The following RHOU variants were observed in gnomAD, a reference collection of about 807,000 sequenced individuals.
RHOU encodes ras homolog family member U.
In RHOU, 8 loss-of-function variants were observed where a neutral mutation model predicts 12.6. The ratio of observed to expected loss-of-function variants is 0.64; its 90% CI spans 0.37 to 1.15. The LOEUF is 1.15. Among genes scored for constraint, RHOU ranks in the 50% most tolerant of loss-of-function variants. The probability of loss-of-function intolerance (pLI) is 0.01; values close to 1 mark genes in which losing one functional copy is unlikely to be tolerated. For synonymous variants in RHOU, 161 were observed against 147.4 expected (o/e 1.09, Z -0.67); for missense variants, 258 against 347.0 (o/e 0.74, Z 2.04).
At chr1:228,654,282 AT>A in the RHOU span, among the ~76,000 whole-genome samples, 5,533 of 151,980 alleles carry the variant, frequency 0.036, 148 homozygotes, top group Non-Finnish European at 0.055. Flanking sequence ...GTAATTTTTA[AT>A]TTTTTTATAG....
the RHOU span, among the ~76,000 whole-genome samples, chr1:228,647,017 G>A: frequency 6.9e-6 from 1 of 144,750 alleles, no homozygotes; most frequent in African/African-American, 2.6e-5. Flanking sequence ...CGAGGTCCAG[G>A]GGGAAACCCA....
Position 228,735,577 on chromosome 1 carries a change from C to A in RHOU, c.-166C>A. 2.4e-6 allele frequency: 1 copy of A among 421,748 alleles called. No homozygotes were observed. Among genetic ancestry groups the A allele is most frequent in the Non-Finnish European group, 3.7e-6 (1 of 272,094 alleles). The allele number at this position is 421,748 out of a possible 1,614,324, so 26.1% of individuals were successfully genotyped here. On this transcript the variant is annotated 5_prime_UTR_variant, in exon 1 of 3. Transcript: ENST00000366691. This position sits in a 1 kb window ranked among gnomAD's most constrained non-coding sequence, Gnocchi z 8.1. ...AGCGCGGAGCCACGACCCTCCCTGG[C>A]CGCCTTTGTCTACTGGCCGTGCGGC...
the RHOU span, among the ~76,000 whole-genome samples, chr1:228,681,362 C>T: frequency 1.3e-5 from 2 of 152,130 alleles, no homozygotes; most frequent in Non-Finnish European, 2.9e-5. Flanking sequence ...CTGATTCAGC[C>T]TGGCGGGGAG....
the RHOU span, among the ~76,000 whole-genome samples, chr1:228,705,976 C>T: frequency 5.3e-5 from 8 of 151,982 alleles, no homozygotes; most frequent in Non-Finnish European, 7.4e-5. Context: ...ACCCAGGAGG[C>T]GGAGGTTGCA....
In RHOU at chr1:228,738,724, A is replaced by G. The variant is rs1558086199; in HGVS notation, c.321+993A>G. ...CTTATTTTTTAAACCTGAAGATGAC[A>G]TAAGACCGTGGAGCCTTGATCTCCA... On this transcript the variant is annotated intron_variant, in intron 2 of 2. Coordinates refer to ENST00000366691, the MANE Select transcript of RHOU (RefSeq NM_021205.6). This position sits in a 1 kb window ranked among gnomAD's most constrained non-coding sequence, Gnocchi z 4.2. 6.6e-6 allele frequency among the ~76,000 whole-genome samples: 1 copy of G among 152,182 alleles called. No individual in the cohort carries two copies. The highest frequency in any genetic ancestry group is 1.9e-4 in the East Asian group (1 of 5,194).
At chr1:228,713,175 G>T in the RHOU span, among the ~76,000 whole-genome samples, 1 of 152,084 alleles carries the variant, frequency 6.6e-6, no homozygotes, top group African/African-American at 2.4e-5. Flanking sequence ...GGTAGCTTCA[G>T]GTGGGGGCTG....
the RHOU span, among the ~76,000 whole-genome samples, chr1:228,696,406 TTGAGA>T: frequency 6.6e-6 from 1 of 152,026 alleles, no homozygotes; most frequent in Non-Finnish European, 1.5e-5. Flanking sequence ...ATCATGATGG[TTGAGA>T]TAACTGATAA....
chr1:228,726,644 A>G, the RHOU span, among the ~76,000 whole-genome samples: 1 of 151,362 alleles, frequency 6.6e-6, no homozygotes, highest in Non-Finnish European at 1.5e-5. Flanking sequence ...CAGCCTGGCC[A>G]AGACAGTGAG....
At chr1:228,669,378 A>G in the RHOU span, among the ~76,000 whole-genome samples, 2 of 152,010 alleles carry the variant, frequency 1.3e-5, no homozygotes, top group African/African-American at 4.8e-5. Context: ...TGGGCCAGCA[A>G]CACAGTCTTG....
At chr1:228,653,380 T>A in the RHOU span, among the ~76,000 whole-genome samples, 2 of 152,102 alleles carry the variant, frequency 1.3e-5, no homozygotes, top group East Asian at 3.9e-4. Flanking sequence ...AGTGCAGTGG[T>A]GCCATCTCGG....
At chr1:228,742,943 G>A (rs1255004913) in intron 2 of RHOU, among the ~76,000 whole-genome samples, 2 of 152,194 alleles carry the variant, frequency 1.3e-5, no homozygotes, top group Non-Finnish European at 2.9e-5. Flanking sequence ...GTTACACTCA[G>A]CTGAAGGCTT....
rs1251673079 is a variant in RHOU at position 228,745,608 on chromosome 1, T to A, written c.*1868T>A. 3 of 152,238 alleles carry A rather than the reference T, an allele frequency of 2.0e-5. No homozygotes were observed. The highest frequency in any genetic ancestry group is 4.4e-5 in the Non-Finnish European group (3 of 68,034). 9.4% of individuals were successfully genotyped at this position (152,238 alleles called of 1,614,324 possible). On this transcript the variant is annotated 3_prime_UTR_variant, in exon 3 of 3. Coordinates refer to ENST00000366691, the MANE Select transcript of RHOU (RefSeq NM_021205.6). ...ATTATTCAACACATTGGAATTGATGTCGGTCATAGTTTCCTGAAGCATTTA... is the reference window on the plus strand; with the variant it reads ...ATTATTCAACACATTGGAATTGATGACGGTCATAGTTTCCTGAAGCATTTA...
the RHOU span, among the ~76,000 whole-genome samples, chr1:228,703,400 C>T: frequency 6.6e-6 from 1 of 152,042 alleles, no homozygotes; most frequent in African/African-American, 2.4e-5. Flanking sequence ...GTGGTGGGCA[C>T]CTGTAGTCCC....
At chr1:228,708,884 A>G in the RHOU span, among the ~76,000 whole-genome samples, 2 of 152,356 alleles carry the variant, frequency 1.3e-5, no homozygotes, top group African/African-American at 4.8e-5. Context: ...AAGAGTCAAG[A>G]CCCATCAGTG....
At chr1:228,687,040 G>A in the RHOU span, among the ~76,000 whole-genome samples, 2 of 151,808 alleles carry the variant, frequency 1.3e-5, no homozygotes, top group South Asian at 4.2e-4. Flanking sequence ...GTGCCTGGCC[G>A]GCAAGGGAGA....
chr1:228,696,869 C>T, the RHOU span, among the ~76,000 whole-genome samples: 1 of 152,136 alleles, frequency 6.6e-6, no homozygotes, highest in South Asian at 2.1e-4. Flanking sequence ...TTGATCATTC[C>T]CACAGTATGC....
At chr1:228,714,382 C>G in the RHOU span, among the ~76,000 whole-genome samples, 1 of 152,146 alleles carries the variant, frequency 6.6e-6, no homozygotes, top group African/African-American at 2.4e-5. Context: ...TGCTCCGGAA[C>G]AATGTAGAGA....
In RHOU at chr1:228,738,052, G is replaced by A. The variant is rs1176118685; in HGVS notation, c.321+321G>A. ...CTGGTTTTTATGAAAAAATTTCAGT[G>A]ATGCTTTGTCATCATTTCCCAAACT... On this transcript the variant is annotated intron_variant, in intron 2 of 2. Coordinates refer to ENST00000366691, the MANE Select transcript of RHOU (RefSeq NM_021205.6). The surrounding 1 kb of genome is among the most constrained non-coding windows in gnomAD (Gnocchi z 4.2). 1.3e-5 allele frequency among the ~76,000 whole-genome samples: 2 copies of A among 152,166 alleles called. No homozygotes were observed. The highest frequency in any genetic ancestry group is 4.8e-5 in the African/African-American group (2 of 41,426).
chr1:228,663,969 C>T, the RHOU span, among the ~76,000 whole-genome samples: 2 of 103,714 alleles, frequency 1.9e-5, no homozygotes, highest in East Asian at 7.4e-4. Context: ...CCCCTCCCCT[C>T]CCCTCCCCTT....
Sources: gnomAD v4.1 joint callset for allele counts (sites outside exome capture counted in the v4.1 genomes callset) on GRCh38, gnomAD v4.1.1 for gene constraint, Gnocchi (gnomAD v3.1) non-coding constraint, MANE v1.5 for transcripts, NCBI Gene and HGNC (gene_info 2026-07-23, HGNC 2026-07-21) for gene names.